SPON1: variants seen among roughly 807,000 people sequenced by gnomAD.
SPON1 encodes spondin 1.
In SPON1, 52 loss-of-function variants were observed where a neutral mutation model predicts 111.7. The ratio of observed to expected loss-of-function variants is 0.47; its 90% CI spans 0.37 to 0.59. The LOEUF is 0.59. Among genes scored for constraint, SPON1 ranks in the 20% least tolerant of loss-of-function variants. SPON1 has a pLI of 0.00. For synonymous variants in SPON1, 410 were observed against 395.8 expected, an observed-to-expected ratio of 1.04 and a Z score of -0.43; for missense variants, 957 against 1,068.5, an observed-to-expected ratio of 0.90 and a Z score of 1.46.
chr11:14,050,510 G>T (rs1433205069), intron 3 of SPON1, among the ~76,000 whole-genome samples: 4 of 152,162 alleles, frequency 2.6e-5, no homozygotes, highest in Non-Finnish European at 5.9e-5. Context: ...GCCCTTTATA[G>T]AAAAAGTTTA....
At chr11:14,147,825 G>A (rs751477292) in intron 6 of SPON1, among the ~76,000 whole-genome samples, 12 of 150,992 alleles carry the variant, frequency 7.9e-5, no homozygotes, top group Non-Finnish European at 1.5e-4. Flanking sequence ...GCTTCTTATG[G>A]TCAGTTTTTA....
intron 6 of SPON1, among the ~76,000 whole-genome samples, chr11:14,146,700 A>T (rs1278649784): frequency 2.0e-5 from 3 of 152,240 alleles, no homozygotes; most frequent in Non-Finnish European, 4.4e-5. Context: ...AACCAGATAT[A>T]AAAACGTTAT....
At chr11:14,171,076 C>T (rs1420255222) in intron 6 of SPON1, among the ~76,000 whole-genome samples, 16 of 152,314 alleles carry the variant, frequency 1.1e-4, no homozygotes, top group South Asian at 8.3e-4. Flanking sequence ...ATGGTACCAG[C>T]TCCTCCTTGT....
At chr11:14,145,583 T>G (rs1326935352) in intron 6 of SPON1, among the ~76,000 whole-genome samples, 1 of 152,236 alleles carries the variant, frequency 6.6e-6, no homozygotes, top group East Asian at 1.9e-4. Flanking sequence ...ATTTACCATC[T>G]GAACCATTTT....
intron 4 of SPON1, 38 bp from the exon 5 acceptor site, chr11:14,079,861 T>C (rs782501011): frequency 2.5e-6 from 4 of 1,613,232 alleles, no homozygotes; most frequent in Admixed American, 1.7e-5. Context: ...ACAACCCACG[T>C]TTACTTTCTA....
chr11:14,170,312 A>G (rs531980295), intron 6 of SPON1, among the ~76,000 whole-genome samples: 1 of 152,252 alleles, frequency 6.6e-6, no homozygotes, highest in African/African-American at 2.4e-5. Flanking sequence ...TTAATGGTGT[A>G]TAAGAATGCT....
intron 5 of SPON1, among the ~76,000 whole-genome samples, chr11:14,092,772 G>A (rs12795982): frequency 0.25 from 38,251 of 152,006 alleles, 5,700 homozygotes; most frequent in South Asian, 0.4. Context: ...TTCTAGAAAC[G>A]CATTTTAACT....
intron 3 of SPON1, 61 bp downstream of exon 3, chr11:14,041,715 GA>G (rs369622005): frequency 0.13 from 132,133 of 990,320 alleles, 153 homozygotes; most frequent in South Asian, 0.18. Context: ...TGATTGCAGG[GA>G]AAAAAAAAAA....
intron 2 of SPON1, among the ~76,000 whole-genome samples, chr11:13,990,233 A>G (rs782583832): frequency 1.1e-4 from 17 of 152,092 alleles, no homozygotes; most frequent in African/African-American, 4.1e-4. Context: ...GTGCTCCTGT[A>G]TTGGGTGCAC....
chr11:14,192,086 G>A (rs1848352198), intron 6 of SPON1, among the ~76,000 whole-genome samples: 1 of 152,118 alleles, frequency 6.6e-6, no homozygotes, highest in Non-Finnish European at 1.5e-5. Context: ...AGAAAATTAT[G>A]AGGCATCCTG....
intron 1 of SPON1, among the ~76,000 whole-genome samples, chr11:13,980,330 C>A (rs564105560): frequency 1.3e-5 from 2 of 152,178 alleles, no homozygotes; most frequent in Non-Finnish European, 2.9e-5. Flanking sequence ...CATGAGCTGC[C>A]GCGCCTAGCC....
At chr11:13,986,006 T>C (rs900899255) in intron 2 of SPON1, among the ~76,000 whole-genome samples, 1 of 152,170 alleles carries the variant, frequency 6.6e-6, no homozygotes. Context: ...CATGAAAGTA[T>C]TTTTTCTCTG....
intron 6 of SPON1, among the ~76,000 whole-genome samples, chr11:14,192,830 G>C (rs1848362245): frequency 6.6e-6 from 1 of 151,738 alleles, no homozygotes; most frequent in South Asian, 2.1e-4. Context: ...AGTCCAAACT[G>C]AGGAATAAAA....
At chr11:14,044,939 G>A (rs10832169) in intron 3 of SPON1, among the ~76,000 whole-genome samples, 60,648 of 151,994 alleles carry the variant, frequency 0.4, 13,151 homozygotes, top group South Asian at 0.57. Context: ...TCCAAAGTTA[G>A]TGGACATTTA....
intron 6 of SPON1, among the ~76,000 whole-genome samples, chr11:14,202,708 G>T (rs1385701882): frequency 1.3e-5 from 2 of 152,092 alleles, no homozygotes; most frequent in Non-Finnish European, 2.9e-5. Flanking sequence ...TAACCGTTAG[G>T]GAAACATCCT....
intron 6 of SPON1, among the ~76,000 whole-genome samples, chr11:14,179,949 G>A (rs547147345): frequency 4.6e-5 from 7 of 151,750 alleles, no homozygotes; most frequent in East Asian, 3.9e-4. Flanking sequence ...TCTTCTCTTC[G>A]TCCTCACTGC....
At chr11:14,023,501 T>A (rs1848495314) in intron 2 of SPON1, among the ~76,000 whole-genome samples, 2 of 152,190 alleles carry the variant, frequency 1.3e-5, no homozygotes, top group Non-Finnish European at 2.9e-5. Flanking sequence ...TACAACTATA[T>A]CAACAAAGTG....
rs541861481 is a variant in SPON1 at position 14,060,526 on chromosome 11, A to G, written c.480-14819A>G. ...TTGCAAAAGGAGTACTACCTACCTC[A>G]TAGGCAGGAGAATTAAACGAGATAA... On this transcript the variant is annotated intron_variant, in intron 3 of 15. Transcript: ENST00000576479. Among the ~76,000 whole-genome samples the G allele has an allele frequency of 7.2e-5, 11 of 152,282 alleles. No homozygotes were observed. The East Asian group carries it at 1.9e-3, about 27-fold the overall frequency.
chr11:14,179,537 G>T (rs1408346443), intron 6 of SPON1, among the ~76,000 whole-genome samples: 4 of 152,122 alleles, frequency 2.6e-5, no homozygotes, highest in African/African-American at 9.7e-5. Flanking sequence ...GAGTGAGGGT[G>T]GGGGTTGAAA....
Sources: gnomAD v4.1 joint callset for allele counts (sites outside exome capture counted in the v4.1 genomes callset) on GRCh38, gnomAD v4.1.1 for gene constraint, MANE v1.5 for transcripts, NCBI Gene and HGNC (gene_info 2026-07-23, HGNC 2026-07-21) for gene names.